GNAT3: variants seen among roughly 807,000 people sequenced by gnomAD.
GNAT3 encodes guanine nucleotide-binding protein G(t) subunit alpha-3.
In GNAT3, 31 loss-of-function variants were observed where a neutral mutation model predicts 37.7. The observed-to-expected ratio is 0.82, with a 90% CI of 0.62 to 1.11. The LOEUF is 1.11. Ranked by LOEUF, GNAT3 falls within the 50% of genes most tolerant of loss-of-function variation. The pLI is 0.00. For synonymous variants in GNAT3, 138 were observed against 139.8 expected (o/e 0.99, Z 0.09); for missense variants, 437 against 412.5 (o/e 1.06, Z -0.51).
chr7:80,510,434 T>C (rs543835634), intron 1 of GNAT3, among the ~76,000 whole-genome samples: 1 of 152,314 alleles, frequency 6.6e-6, no homozygotes, highest in Admixed American at 6.5e-5. Context: ...TTTATCACCA[T>C]TCTTATGTCA....
chr7:80,477,728 C>T (rs568833810), intron 4 of GNAT3, among the ~76,000 whole-genome samples: 11 of 152,132 alleles, frequency 7.2e-5, no homozygotes, highest in African/African-American at 1.7e-4. Flanking sequence ...TTTAATTAAA[C>T]GATGCTAGCA....
chr7:80,461,069 T>C (rs1027318777), intron 7 of GNAT3, among the ~76,000 whole-genome samples: 8 of 150,882 alleles, frequency 5.3e-5, no homozygotes, highest in African/African-American at 1.7e-4. Flanking sequence ...AATATATTAT[T>C]ATACTTAATC....
intron 5 of GNAT3, among the ~76,000 whole-genome samples, chr7:80,471,572 A>C (rs1790220846): frequency 6.6e-6 from 1 of 152,066 alleles, no homozygotes. Flanking sequence ...ACTTAAAGAT[A>C]GTTCCCCAAA....
At chr7:80,506,520 A>T (rs1413520989) in intron 1 of GNAT3, among the ~76,000 whole-genome samples, 1 of 152,188 alleles carries the variant, frequency 6.6e-6, no homozygotes, top group African/African-American at 2.4e-5. Flanking sequence ...TAAATGCAAC[A>T]TTGTAAATAT....
At chr7:80,460,479 A>T (rs1224844165) in intron 7 of GNAT3, among the ~76,000 whole-genome samples, 1 of 152,118 alleles carries the variant, frequency 6.6e-6, no homozygotes, top group Non-Finnish European at 1.5e-5. Flanking sequence ...TTGGCCGGGG[A>T]CGGTGGCTCA....
At chr7:80,492,598 T>A (rs1790615249) in intron 2 of GNAT3, among the ~76,000 whole-genome samples, 1 of 151,700 alleles carries the variant, frequency 6.6e-6, no homozygotes, top group South Asian at 2.1e-4. Flanking sequence ...TTCATTATCT[T>A]AAATAGTGAT....
At chr7:80,510,134 C>G (rs186437906) in intron 1 of GNAT3, among the ~76,000 whole-genome samples, 3 of 152,000 alleles carry the variant, frequency 2.0e-5, no homozygotes, top group African/African-American at 7.2e-5. Flanking sequence ...TCCCCTTGTT[C>G]CCCCCAACCA....
intron 3 of GNAT3, among the ~76,000 whole-genome samples, chr7:80,486,242 T>C (rs1934654947): frequency 1.3e-5 from 2 of 152,176 alleles, no homozygotes; most frequent in Admixed American, 1.3e-4. Context: ...GATGTTCTGA[T>C]AGTTGAGAAT....
At chr7:80,488,867 T>A (rs1399258098) in intron 2 of GNAT3, among the ~76,000 whole-genome samples, 191 bp from the exon 3 acceptor site, 1 of 152,160 alleles carries the variant, frequency 6.6e-6, no homozygotes, top group Non-Finnish European at 1.5e-5. Flanking sequence ...TATACAGTAT[T>A]TTCTTTCTGG....
At position 80,467,377 on chromosome 7, in the gene GNAT3, A is replaced by T. The variant is rs147022507; in HGVS notation, c.591-4746T>A. Among the ~76,000 whole-genome samples the T allele has an allele frequency of 4.8e-3, 729 of 152,220 alleles. 9 individuals are homozygous for T. Among genetic ancestry groups the T allele is most frequent in the African/African-American group, 0.016 (674 of 41,544 alleles). On this transcript the variant is annotated intron_variant, in intron 5 of 7. Coordinates refer to ENST00000398291, the MANE Select transcript of GNAT3 (RefSeq NM_001102386.3). ...GACATAGGTCCAGGGAGCACTGCAC[A>T]TTTCTCTAATGCCATCTGCTATTAT...
At chr7:80,495,383 C>A (rs1790696822) in intron 1 of GNAT3, among the ~76,000 whole-genome samples, 1 of 151,802 alleles carries the variant, frequency 6.6e-6, no homozygotes. Flanking sequence ...ACATCGCTGC[C>A]AGTATCTGTT....
chr7:80,503,712 TG>T (rs1790879151), intron 1 of GNAT3, among the ~76,000 whole-genome samples: 1 of 152,118 alleles, frequency 6.6e-6, no homozygotes, highest in African/African-American at 2.4e-5. Context: ...TAAAGATACA[TG>T]GGCAGCAAAG....
intron 1 of GNAT3, among the ~76,000 whole-genome samples, chr7:80,501,434 AT>A (rs1404156495): frequency 6.6e-6 from 1 of 151,984 alleles, no homozygotes; most frequent in African/African-American, 2.4e-5. Context: ...GAATAAGACA[AT>A]TTTTCTACAA....
At chr7:80,502,289 A>T (rs1232157836) in intron 1 of GNAT3, among the ~76,000 whole-genome samples, 1 of 152,066 alleles carries the variant, frequency 6.6e-6, no homozygotes, top group Admixed American at 6.6e-5. Context: ...AGCATATCTC[A>T]ATAAAGTGGT....
At chr7:80,486,942 A>C (rs553282932) in intron 3 of GNAT3, among the ~76,000 whole-genome samples, 2 of 152,070 alleles carry the variant, frequency 1.3e-5, no homozygotes, top group Non-Finnish European at 2.9e-5. Flanking sequence ...AACATCATTA[A>C]ATCATTCTCA....
intron 4 of GNAT3, among the ~76,000 whole-genome samples, chr7:80,475,645 A>T (rs772278536): frequency 2.6e-5 from 4 of 152,098 alleles, no homozygotes; most frequent in Admixed American, 1.3e-4. Flanking sequence ...TTCAGTGATT[A>T]AGCTGAGAAG....
intron 1 of GNAT3, among the ~76,000 whole-genome samples, chr7:80,508,007 A>G (rs964592255): frequency 2.0e-5 from 3 of 151,980 alleles, no homozygotes; most frequent in African/African-American, 4.8e-5. Flanking sequence ...TCATTAAAAT[A>G]ATAATAGTGT....
At chr7:80,498,118 A>T (rs1407080891) in intron 1 of GNAT3, among the ~76,000 whole-genome samples, 2 of 152,270 alleles carry the variant, frequency 1.3e-5, no homozygotes, top group Middle Eastern at 3.4e-3. Flanking sequence ...TTGTGAAAAA[A>T]GTGACTTTTA....
chr7:80,497,541 TAC>T (rs1228340701), intron 1 of GNAT3, among the ~76,000 whole-genome samples: 4 of 150,618 alleles, frequency 2.7e-5, no homozygotes, highest in Non-Finnish European at 5.9e-5. Context: ...TCTATATATA[TAC>T]ACATATACGT....
Sources: gnomAD v4.1 joint callset for allele counts (sites outside exome capture counted in the v4.1 genomes callset) on GRCh38, gnomAD v4.1.1 for gene constraint, MANE v1.5 for transcripts, NCBI Gene and HGNC (gene_info 2026-07-23, HGNC 2026-07-21) for gene names.